The following NPIPB2 variants were observed in gnomAD, a reference collection of about 807,000 sequenced individuals.
NPIPB2 encodes nuclear pore complex-interacting protein family member B2.
NPIPB2 carries 27 observed loss-of-function variants against 30.8 expected under a neutral mutation model. The observed-to-expected ratio is 0.88, with a 90% confidence interval of 0.65 to 1.21. The LOEUF (loss-of-function observed/expected upper bound fraction) is 1.21, where lower values mean the gene tolerates loss of function less well. Among genes scored for constraint, NPIPB2 ranks in the 50% most tolerant of loss-of-function variants. The probability of loss-of-function intolerance (pLI) is 0.00; values close to 1 mark genes in which losing one functional copy is unlikely to be tolerated. For synonymous variants in NPIPB2, 147 were observed against 162.0 expected (o/e 0.91, Z 0.70); for missense variants, 440 against 446.2 (o/e 0.99, Z 0.13).
intron 4 of NPIPB2, among the ~76,000 whole-genome samples, chr16:11,933,119 G>A (rs1466509902): frequency 6.6e-6 from 1 of 151,876 alleles, no homozygotes; most frequent in African/African-American, 2.4e-5. Flanking sequence ...AAATTAGCTG[G>A]GCGTGGTGGT....
At chr16:11,941,107 T>G in intron 1 of NPIPB2, 1 of 1,411,804 alleles carries the variant, frequency 7.1e-7, no homozygotes, top group Non-Finnish European at 9.4e-7. Flanking sequence ...CTGTGTAATT[T>G]CATGCCGCGT....
intron 1 of NPIPB2, among the ~76,000 whole-genome samples, chr16:11,947,135 G>C (rs1373671388): frequency 7.1e-6 from 1 of 140,012 alleles, no homozygotes; most frequent in Non-Finnish European, 1.5e-5. Flanking sequence ...AATTTTTTTT[G>C]TTCTGATGGA....
chr16:11,955,406 T>C (rs1386276685), intron 1 of NPIPB2, among the ~76,000 whole-genome samples: 1 of 150,408 alleles, frequency 6.6e-6, no homozygotes, highest in African/African-American at 2.4e-5. Context: ...AGACTATCTT[T>C]GGATAAGAAA....
chr16:11,961,797 G>C (rs2055154920), intron 1 of NPIPB2, among the ~76,000 whole-genome samples: 2 of 149,280 alleles, frequency 1.3e-5, no homozygotes, highest in East Asian at 2.0e-4. Flanking sequence ...AAAAAAAAAA[G>C]GTATGAGCAG....
chr16:11,959,048 G>T (rs952536390), intron 1 of NPIPB2, among the ~76,000 whole-genome samples: 5 of 152,182 alleles, frequency 3.3e-5, no homozygotes, highest in African/African-American at 1.2e-4. Context: ...TGAATGGGCA[G>T]CCAAGCATTT....
rs1282383337 is a variant in NPIPB2 at position 11,951,475 on chromosome 16, A to AAG, written c.-583-9362_-583-9361insCT. ...AAGACTGTCTCAAAAAAAAAAAAAA[A>AAG]AAGAAAGAAAAGAAAAATTAACATT... is the stretch of plus-strand genomic sequence containing the variant. On this transcript the variant is annotated intron_variant, in intron 1 of 5. Transcript: ENST00000538896. Among the ~76,000 whole-genome samples the AAG allele has an allele frequency of 2.5e-4, 37 of 148,440 alleles. 5 individuals are homozygous for AAG. Among genetic ancestry groups the AAG allele is most frequent in the Admixed American group, 4.7e-4 (7 of 14,790 alleles).
intron 1 of NPIPB2, among the ~76,000 whole-genome samples, chr16:11,970,252 G>A (rs535970320): frequency 1.6e-4 from 24 of 151,964 alleles, no homozygotes; most frequent in African/African-American, 4.3e-4. Flanking sequence ...TCACTCTGTC[G>A]CCCAGGCTGG....
intron 1 of NPIPB2, among the ~76,000 whole-genome samples, chr16:11,963,380 C>CAAAAA (rs35810741): frequency 1.6e-5 from 1 of 62,614 alleles, no homozygotes. Context: ...AACTCCAGCT[C>CAAAAA]AAAAAAAAAA....
intron 1 of NPIPB2, among the ~76,000 whole-genome samples, chr16:11,974,900 C>A (rs1000082883): frequency 1.3e-5 from 2 of 151,698 alleles, no homozygotes; most frequent in African/African-American, 2.4e-5. Flanking sequence ...GTTGAAACCC[C>A]GTCTCTACTA....
At chr16:11,954,129 C>T (rs2055090689) in intron 1 of NPIPB2, among the ~76,000 whole-genome samples, 1 of 151,878 alleles carries the variant, frequency 6.6e-6, no homozygotes, top group African/African-American at 2.4e-5. Flanking sequence ...CCAGCTCTTT[C>T]TAGTAATCTG....
intron 1 of NPIPB2, among the ~76,000 whole-genome samples, chr16:11,955,620 C>G (rs1052284378): frequency 6.6e-6 from 1 of 151,148 alleles, no homozygotes; most frequent in Admixed American, 6.6e-5. Flanking sequence ...ACTTGGGTGG[C>G]TGAGGCAGGA....
At chr16:11,948,797 A>G (rs1453495568) in intron 1 of NPIPB2, among the ~76,000 whole-genome samples, 3 of 150,282 alleles carry the variant, frequency 2.0e-5, no homozygotes, top group East Asian at 3.9e-4. Flanking sequence ...AAAAAAAGAA[A>G]GAAAAGAAAT....
intron 1 of NPIPB2, among the ~76,000 whole-genome samples, chr16:11,958,251 C>T (rs1407151017): frequency 5.3e-5 from 8 of 151,922 alleles, no homozygotes; most frequent in South Asian, 2.1e-4. Context: ...CATAGCAAAA[C>T]CTCACCTCTA....
At chr16:11,943,478 C>A (rs1242894971), upstream of NPIPB2, among the ~76,000 whole-genome samples, 1 of 149,670 alleles carries the variant, frequency 6.7e-6, no homozygotes, top group South Asian at 2.1e-4. Context: ...CTGAGGCAGG[C>A]GGATCACGAG....
At chr16:11,972,186 T>C (rs764596927) in intron 1 of NPIPB2, among the ~76,000 whole-genome samples, 1 of 152,000 alleles carries the variant, frequency 6.6e-6, no homozygotes, top group Non-Finnish European at 1.5e-5. Context: ...ATTTCTGTGT[T>C]AAGATAAGGG....
At chr16:11,967,813 C>G (rs2055207807) in intron 1 of NPIPB2, 1 of 1,614,174 alleles carries the variant, frequency 6.2e-7, no homozygotes, top group Non-Finnish European at 8.5e-7. Flanking sequence ...GCTTTGAGTG[C>G]TACGGAGATA....
intron 1 of NPIPB2, among the ~76,000 whole-genome samples, chr16:11,975,683 C>T (rs1230060024): frequency 2.6e-5 from 4 of 151,756 alleles, no homozygotes; most frequent in Non-Finnish European, 2.9e-5. Flanking sequence ...CTCTGCCTCC[C>T]GGGTTCAAGC....
At chr16:11,975,274 A>G (rs1225784478) in intron 1 of NPIPB2, among the ~76,000 whole-genome samples, 1 of 126,890 alleles carries the variant, frequency 7.9e-6, no homozygotes, top group African/African-American at 2.9e-5. Flanking sequence ...CAGCCTCCCA[A>G]GTAGCTGGGA....
chr16:11,969,252 T>G (rs2055219490), intron 1 of NPIPB2, among the ~76,000 whole-genome samples: 2 of 152,026 alleles, frequency 1.3e-5, no homozygotes, highest in African/African-American at 4.8e-5. Context: ...TTCTCTTGAT[T>G]TTTGAATTTT....
Sources: gnomAD v4.1 joint callset for allele counts (sites outside exome capture counted in the v4.1 genomes callset) on GRCh38, gnomAD v4.1.1 for gene constraint, MANE v1.5 for transcripts, NCBI Gene and HGNC (gene_info 2026-07-23, HGNC 2026-07-21) for gene names.